Variants in CYSTM1 observed in about 807,000 individuals in gnomAD.
The protein encoded by CYSTM1 is cysteine-rich transmembrane module-containing protein 1.
A neutral mutation model predicts 13.1 loss-of-function variants in CYSTM1; 4 were observed. The ratio of observed to expected loss-of-function variants is 0.31; its 90% CI spans 0.15 to 0.70. The LOEUF is 0.70. CYSTM1 is among the 30% of genes least tolerant of loss of function. The pLI, the probability that CYSTM1 is intolerant of heterozygous loss-of-function variation, is 0.72. For missense variants in CYSTM1, 96 were observed against 121.6 expected, an observed-to-expected ratio of 0.79 and a Z score of 0.99; for synonymous variants, 36 against 42.7, an observed-to-expected ratio of 0.84 and a Z score of 0.62.
intron 2 of CYSTM1, among the ~76,000 whole-genome samples, chr5:140,233,595 A>G (rs902283313): frequency 1.1e-4 from 16 of 152,202 alleles, no homozygotes; most frequent in Admixed American, 4.6e-4. Flanking sequence ...GTGCGTTCCT[A>G]TCAGTAATGA....
chr5:140,220,017 C>G (rs915397647), intron 2 of CYSTM1, among the ~76,000 whole-genome samples: 3 of 152,128 alleles, frequency 2.0e-5, no homozygotes, highest in African/African-American at 7.2e-5. Flanking sequence ...AATCATTTCC[C>G]TGATTTCTGT....
At position 140,230,285 on chromosome 5, in the gene CYSTM1, G is replaced by C. The variant is rs1470532853; in HGVS notation, c.188-13020G>C. ...ATCATCCTGTTACCAAGCAAAAGGG[G>C]CTCACTGCCTGATGTGCTAGAAGCC... is the stretch of plus-strand genomic sequence containing the variant. On this transcript the variant is annotated intron_variant, in intron 2 of 2. Coordinates refer to ENST00000261811, the MANE Select transcript of CYSTM1 (RefSeq NM_032412.4). This position sits in a 1 kb window ranked among gnomAD's most constrained non-coding sequence, Gnocchi z 4.1. Among the ~76,000 whole-genome samples the C allele has an allele frequency of 6.6e-6, 1 of 152,180 alleles. No individual in the cohort carries two copies. Among genetic ancestry groups the C allele is most frequent in the Non-Finnish European group, 1.5e-5 (1 of 68,030 alleles).
intron 2 of CYSTM1, among the ~76,000 whole-genome samples, chr5:140,215,586 C>T (rs753443972): frequency 8.5e-6 from 1 of 117,182 alleles, no homozygotes; most frequent in Non-Finnish European, 1.9e-5. Context: ...AAATAATATG[C>T]ATAATTTATT....
intron 2 of CYSTM1, among the ~76,000 whole-genome samples, chr5:140,238,998 G>A (rs940487141): frequency 1.3e-5 from 2 of 152,242 alleles, no homozygotes; most frequent in African/African-American, 4.8e-5. Context: ...AAGGGGCCAC[G>A]GTGCTGCTTC....
intron 1 of CYSTM1, among the ~76,000 whole-genome samples, chr5:140,178,767 A>T (rs1763923717): frequency 6.6e-6 from 1 of 151,268 alleles, no homozygotes; most frequent in African/African-American, 2.4e-5. Flanking sequence ...CACCTAGCTA[A>T]TTTTTTGTGT....
chr5:140,179,330 G>A (rs553652501), intron 1 of CYSTM1, among the ~76,000 whole-genome samples: 2 of 151,754 alleles, frequency 1.3e-5, no homozygotes, highest in Non-Finnish European at 2.9e-5. Flanking sequence ...AGGCCGAGGT[G>A]GGTGGATTGC....
At position 140,221,412 on chromosome 5, in the gene CYSTM1, C is replaced by T. The variant is rs147656294; in HGVS notation, c.188-21893C>T. The stretch of plus-strand genomic sequence containing the variant: ...CCAGCCCCTAGCAACCACCATTCTA[C>T]TTTCCATGTCTATGAATTTGACTAC... On this transcript the variant is annotated intron_variant, in intron 2 of 2. Coordinates refer to ENST00000261811, the MANE Select transcript of CYSTM1 (RefSeq NM_032412.4). 4.6e-5 allele frequency among the ~76,000 whole-genome samples: 7 copies of T among 152,320 alleles called. No individual in the cohort carries two copies. The East Asian group carries it at 1.3e-3, about 29-fold the overall frequency.
At chr5:140,225,502 A>C (rs1374404233) in intron 2 of CYSTM1, among the ~76,000 whole-genome samples, 3 of 152,164 alleles carry the variant, frequency 2.0e-5, no homozygotes, top group Non-Finnish European at 4.4e-5. Flanking sequence ...CCCATGTCCC[A>C]TATGTTTCTC....
chr5:140,177,841 A>C (rs374976269), intron 1 of CYSTM1, among the ~76,000 whole-genome samples: 3 of 152,198 alleles, frequency 2.0e-5, no homozygotes, highest in Admixed American at 6.5e-5. Flanking sequence ...CTGTTTTCCA[A>C]ATCTCTTTGA....
intron 2 of CYSTM1, among the ~76,000 whole-genome samples, chr5:140,228,080 A>G (rs1396765069): frequency 2.0e-5 from 3 of 152,146 alleles, no homozygotes; most frequent in East Asian, 1.9e-4. Flanking sequence ...AATTTACCCA[A>G]CTGGACTCAC....
intron 2 of CYSTM1, among the ~76,000 whole-genome samples, chr5:140,220,081 T>C (rs1242126972): frequency 6.6e-6 from 1 of 152,186 alleles, no homozygotes; most frequent in Non-Finnish European, 1.5e-5. Context: ...GCCACTGACA[T>C]TGGGGGTTTT....
At chr5:140,222,074 C>A (rs1169793361) in intron 2 of CYSTM1, among the ~76,000 whole-genome samples, 2 of 152,204 alleles carry the variant, frequency 1.3e-5, no homozygotes, top group African/African-American at 4.8e-5. Flanking sequence ...GACTTTGACC[C>A]TTCTCTTTCC....
chr5:140,182,331 A>G (rs893663558), intron 1 of CYSTM1, among the ~76,000 whole-genome samples: 4 of 152,148 alleles, frequency 2.6e-5, no homozygotes, highest in Non-Finnish European at 4.4e-5. Flanking sequence ...GGCCCCTTCA[A>G]TCCTATCTTT....
At chr5:140,177,729 G>A (rs763454397) in intron 1 of CYSTM1, among the ~76,000 whole-genome samples, 12 of 152,186 alleles carry the variant, frequency 7.9e-5, no homozygotes, top group Non-Finnish European at 1.3e-4. Flanking sequence ...GAGTGGTAGA[G>A]ATTATGATAG....
intron 1 of CYSTM1, among the ~76,000 whole-genome samples, chr5:140,178,615 T>C (rs184550398): frequency 6.6e-6 from 1 of 151,988 alleles, no homozygotes; most frequent in Admixed American, 6.6e-5. Flanking sequence ...TTTTTAATTT[T>C]TTTGAGACAG....
chr5:140,176,895 C>G (rs1348571630), intron 1 of CYSTM1, among the ~76,000 whole-genome samples: 1 of 151,898 alleles, frequency 6.6e-6, no homozygotes, highest in Non-Finnish European at 1.5e-5. Context: ...CGGTGAAACC[C>G]CGTCTCTACT....
intron 2 of CYSTM1, chr5:140,229,048 C>A: frequency 2.7e-6 from 1 of 374,704 alleles, no homozygotes; most frequent in Non-Finnish European, 4.7e-6. Flanking sequence ...AAGTTTTGGG[C>A]AGTTTGTACA....
chr5:140,234,650 A>G (rs1764657236), intron 2 of CYSTM1, among the ~76,000 whole-genome samples: 1 of 152,332 alleles, frequency 6.6e-6, no homozygotes, highest in Non-Finnish European at 1.5e-5. Context: ...AGTTGGCAGT[A>G]AATGAGGTAT....
intron 1 of CYSTM1, among the ~76,000 whole-genome samples, chr5:140,194,175 C>T (rs116109186): frequency 3.6e-4 from 55 of 152,314 alleles, no homozygotes; most frequent in African/African-American, 1.3e-3. Context: ...CTGCAGTGCT[C>T]TAGGGACATG....
Sources: allele counts gnomAD v4.1 joint callset (sites outside exome capture counted in the v4.1 genomes callset), GRCh38; gene constraint gnomAD v4.1.1; non-coding constraint Gnocchi (gnomAD v3.1); transcripts MANE v1.5; gene names NCBI Gene and HGNC (gene_info 2026-07-23, HGNC 2026-07-21).